The following SOCS6 variants were observed in gnomAD, a reference collection of about 807,000 sequenced individuals.
The protein encoded by SOCS6 is STAT induced STAT inhibitor-4.
A neutral mutation model predicts 27.7 loss-of-function variants in SOCS6; 5 were observed. The ratio of observed to expected loss-of-function variants is 0.18; its 90% CI spans 0.09 to 0.38. The LOEUF (loss-of-function observed/expected upper bound fraction) is 0.38, where lower values mean the gene tolerates loss of function less well. Among genes scored for constraint, SOCS6 ranks in the 10% least tolerant of loss-of-function variants. The probability of loss-of-function intolerance (pLI) is 1.00; values close to 1 mark genes in which losing one functional copy is unlikely to be tolerated. For synonymous variants in SOCS6, 271 were observed against 260.0 expected, an observed-to-expected ratio of 1.04 and a Z score of -0.41; for missense variants, 595 against 688.1, an observed-to-expected ratio of 0.86 and a Z score of 1.51.
chr18:70,315,913 C>T (rs576445733), intron 1 of SOCS6, among the ~76,000 whole-genome samples: 1 of 152,004 alleles, frequency 6.6e-6, no homozygotes, highest in South Asian at 2.1e-4. Flanking sequence ...TTTTGTTGCC[C>T]AGGCTGGAGT....
chr18:70,313,460 T>C (rs1189775179), intron 1 of SOCS6, among the ~76,000 whole-genome samples: 1 of 152,124 alleles, frequency 6.6e-6, no homozygotes, highest in Non-Finnish European at 1.5e-5. Flanking sequence ...CCTTCTGCAG[T>C]GCAAGCCTTC....
intron 1 of SOCS6, among the ~76,000 whole-genome samples, chr18:70,294,546 T>C (rs2062315145): frequency 6.6e-6 from 1 of 152,236 alleles, no homozygotes; most frequent in African/African-American, 2.4e-5. Context: ...AAAGTAGTAT[T>C]CTGATTAATC....
chr18:70,290,767 G>T (rs1173146123), intron 1 of SOCS6, among the ~76,000 whole-genome samples: 2 of 151,902 alleles, frequency 1.3e-5, no homozygotes, highest in East Asian at 3.9e-4. Flanking sequence ...TACTTTTTTA[G>T]AACTCCATTC....
intron 1 of SOCS6, among the ~76,000 whole-genome samples, chr18:70,290,713 G>A (rs778495431): frequency 3.9e-5 from 6 of 152,206 alleles, no homozygotes; most frequent in Non-Finnish European, 7.3e-5. Flanking sequence ...AGGGCTTTCC[G>A]CTTGTGCCTG....
At chr18:70,303,250 T>C (rs1378953003) in intron 1 of SOCS6, among the ~76,000 whole-genome samples, 2 of 152,228 alleles carry the variant, frequency 1.3e-5, no homozygotes, top group Non-Finnish European at 2.9e-5. Flanking sequence ...TTTATAACTC[T>C]GTATAAATAT....
chr18:70,319,943 G>A (rs1371770459), intron 1 of SOCS6, among the ~76,000 whole-genome samples: 12 of 151,820 alleles, frequency 7.9e-5, no homozygotes, highest in Non-Finnish European at 1.8e-4. Flanking sequence ...ACATGAGTCT[G>A]TCACTTCATT....
intron 1 of SOCS6, among the ~76,000 whole-genome samples, chr18:70,298,578 A>T (rs918931087): frequency 2.0e-5 from 3 of 152,210 alleles, no homozygotes; most frequent in East Asian, 1.9e-4. Context: ...AAGGTTGCAG[A>T]TGTGGACATC....
Position 70,326,528 on chromosome 18 carries a change from C to T in SOCS6, c.*252C>T, listed in dbSNP as rs1031346164. Reference sequence around the variant, plus strand: ...ATGTTTCATCAATGTGCAGAATAATCACAATGTGAATTATCAAATTCTCCT... The same window carrying T: ...ATGTTTCATCAATGTGCAGAATAATTACAATGTGAATTATCAAATTCTCCT... On this transcript the variant is annotated 3_prime_UTR_variant, in exon 2 of 2. Transcript: ENST00000397942. 2 of 462,362 alleles carry T rather than the reference C, an allele frequency of 4.3e-6. No homozygotes were observed. The highest frequency in any genetic ancestry group is 7.9e-6 in the Non-Finnish European group (2 of 252,822). The allele number at this position is 462,362 out of a possible 1,614,324, so 28.6% of individuals were successfully genotyped here.
At position 70,319,999 on chromosome 18, in the gene SOCS6, C is replaced by CTT. The variant is rs58214178; in HGVS notation, c.-126-4534_-126-4533dup. Reference sequence around the variant, plus strand: ...TTGCCAGTGATAAAATTCAAAGTTTCTTTTTTTTTTTGAGATGGAGTCTTG... The same window carrying CTT: ...TTGCCAGTGATAAAATTCAAAGTTTCTTTTTTTTTTTTTGAGATGGAGTCTTG... On this transcript the variant is annotated intron_variant, in intron 1 of 1. Transcript: ENST00000397942. Among the ~76,000 whole-genome samples the CTT allele has an allele frequency of 1.2e-3, 182 of 146,808 alleles. 2 individuals are homozygous for CTT. The highest frequency in any genetic ancestry group is 4.2e-3 in the African/African-American group (170 of 40,442).
chr18:70,291,091 C>T (rs897205015), intron 1 of SOCS6, among the ~76,000 whole-genome samples: 1 of 152,154 alleles, frequency 6.6e-6, no homozygotes, highest in Non-Finnish European at 1.5e-5. Context: ...TTTAATGGCC[C>T]CCCTTTTTTT....
chr18:70,310,938 A>G (rs35228655), intron 1 of SOCS6, among the ~76,000 whole-genome samples: 28,550 of 152,202 alleles, frequency 0.19, 3,359 homozygotes, highest in Non-Finnish European at 0.26. Context: ...CTTCTATAAA[A>G]CGGAGATAAA....
chr18:70,328,677 A>G lies in SOCS6; in HGVS notation c.*2401A>G, dbSNP rs1238268545. 6.0e-6 allele frequency: 1 copy of G among 166,964 alleles called. No homozygotes were observed. Among genetic ancestry groups the G allele is most frequent in the East Asian group, 1.9e-4 (1 of 5,202 alleles). The allele number at this position is 166,964 out of a possible 1,614,324, so 10.3% of individuals were successfully genotyped here. On this transcript the variant is annotated 3_prime_UTR_variant, in exon 2 of 2. Coordinates refer to ENST00000397942, the MANE Select transcript of SOCS6 (RefSeq NM_004232.4). The stretch of plus-strand genomic sequence containing the variant: ...ATTCTGATAGTATAATGATAAAATC[A>G]AACTATTTGCCAAAAAGTTAAATTT...
intron 1 of SOCS6, among the ~76,000 whole-genome samples, chr18:70,299,787 C>T (rs1407322677): frequency 6.6e-6 from 1 of 152,216 alleles, no homozygotes; most frequent in African/African-American, 2.4e-5. Flanking sequence ...TGTCTTATAT[C>T]ACATTTCTTT....
Position 70,324,857 on chromosome 18 carries a change from C to T in SOCS6, c.189C>T (p.Gly63=), listed in dbSNP as rs41328646. ...ATATCAACGGTGAAGATGAAAAAGG[C>T]GGAAAAAACAGATCAAAAAGCGAGA... is the stretch of plus-strand genomic sequence containing the variant. ...SCDINGEDEK[G]GKNRSKSESL... The change falls in exon 2 of 2, where the codon GGC becomes GGT. Residue 63 remains glycine (G), a synonymous_variant. Coordinates refer to ENST00000397942, the MANE Select transcript of SOCS6 (RefSeq NM_004232.4). 1,016 of 1,613,918 alleles carry T rather than the reference C, an allele frequency of 6.3e-4. 2 individuals carry two copies. In the African/African-American group the frequency reaches 0.011, roughly 17 times the overall value.
chr18:70,307,687 G>T (rs962901271), intron 1 of SOCS6, among the ~76,000 whole-genome samples: 6 of 152,086 alleles, frequency 3.9e-5, no homozygotes, highest in African/African-American at 1.4e-4. Flanking sequence ...GCTTGATAGT[G>T]ATAGCCTTTC....
At position 70,326,458 on chromosome 18, in the gene SOCS6, G is replaced by T; in HGVS notation, c.*182G>T. On this transcript the variant is annotated 3_prime_UTR_variant, in exon 2 of 2. Transcript: ENST00000397942. ...CAGCAAGGTGTCTTGGGTTTATTTT[G>T]GTTCTTTAAAAAAGGGAAGTCTTGA... The T allele has an allele frequency of 1.7e-6, 1 of 592,086 alleles. No individual in the cohort carries two copies. Among genetic ancestry groups the T allele is most frequent in the South Asian group, 2.4e-5 (1 of 41,016 alleles). The allele number at this position is 592,086 out of a possible 1,614,324, so 36.7% of individuals were successfully genotyped here. A position where few individuals can be genotyped will look rare whatever the true frequency, so the allele number is the denominator to read the frequency against.
intron 1 of SOCS6, among the ~76,000 whole-genome samples, chr18:70,317,360 A>G (rs1380706739): frequency 1.3e-5 from 2 of 152,120 alleles, no homozygotes; most frequent in Non-Finnish European, 2.9e-5. Context: ...AGTTACTTCC[A>G]TTCAGGTTGT....
At position 70,294,317 on chromosome 18, in the gene SOCS6, A is replaced by T. The variant is rs145711301; in HGVS notation, c.-127+5227A>T. 9.0e-4 allele frequency among the ~76,000 whole-genome samples: 137 copies of T among 152,130 alleles called. 3 individuals carry two copies. In the East Asian group the frequency reaches 0.025, roughly 27 times the overall value. ...CTGACACATCCCAGGGGGCCTGGCC[A>T]CTGAGTAGGAGTCCGTTTTTCTTGT... On this transcript the variant is annotated intron_variant, in intron 1 of 1. Transcript: ENST00000397942.
chr18:70,317,289 G>A (rs1600163881), intron 1 of SOCS6, among the ~76,000 whole-genome samples: 1 of 152,188 alleles, frequency 6.6e-6, no homozygotes, highest in African/African-American at 2.4e-5. Flanking sequence ...ACTTATAAGT[G>A]AGAACATACG....
Sources: gnomAD v4.1 joint callset for allele counts (sites outside exome capture counted in the v4.1 genomes callset) on GRCh38, gnomAD v4.1.1 for gene constraint, MANE v1.5 for transcripts, NCBI Gene and HGNC (gene_info 2026-07-23, HGNC 2026-07-21) for gene names.